The following PARP8 variants were observed in gnomAD, a reference collection of about 807,000 sequenced individuals.
The protein encoded by PARP8 is protein mono-ADP-ribosyltransferase PARP8.
Under a neutral mutation model 124.1 loss-of-function variants are expected in PARP8, and 51 were observed. The ratio of observed to expected loss-of-function variants is 0.41; its 90% CI spans 0.33 to 0.52. PARP8 has a LOEUF of 0.52. Ranked by LOEUF, PARP8 falls within the 20% of genes least tolerant of loss-of-function variation. The pLI, the probability that PARP8 is intolerant of heterozygous loss-of-function variation, is 0.21. For missense variants in PARP8, 860 were observed against 1,018.9 expected, an observed-to-expected ratio of 0.84 and a Z score of 2.12; for synonymous variants, 391 against 361.5, an observed-to-expected ratio of 1.08 and a Z score of -0.93.
At position 50,760,359 on chromosome 5, in the gene PARP8, G is replaced by A. The variant is rs1295976925; in HGVS notation, c.342G>A (p.Gly114=). The A allele has an allele frequency of 4.0e-6, 6 of 1,517,654 alleles. No individual in the cohort carries two copies. Among genetic ancestry groups the A allele is most frequent in the South Asian group, 1.2e-5 (1 of 83,236 alleles). The allele number at this position is 1,517,654 out of a possible 1,614,324, so 94.0% of individuals were successfully genotyped here. A position where few individuals can be genotyped will look rare whatever the true frequency, so the allele number is the denominator to read the frequency against. ...AATCCAAATTACAAAAGGAAAATGG[G>A]GAGGTATGTAAATTATATTTTTTAT... is the stretch of plus-strand genomic sequence containing the variant. ...SIKSKLQKEN[G]EESRQNSTVE... The change falls in exon 5 of 26, where the codon GGG becomes GGA. Residue 114 remains glycine (G), a synonymous_variant. Coordinates refer to ENST00000281631, the MANE Select transcript of PARP8 (RefSeq NM_024615.4).
intron 2 of PARP8, among the ~76,000 whole-genome samples, chr5:50,732,341 G>A (rs1757052067): frequency 6.6e-6 from 1 of 152,168 alleles, no homozygotes; most frequent in Non-Finnish European, 1.5e-5. Context: ...ATTATCTGTA[G>A]AAATTACTGT....
At chr5:50,778,292 G>A (rs762813123) in intron 8 of PARP8, among the ~76,000 whole-genome samples, 163 bp downstream of exon 8, 5 of 152,226 alleles carry the variant, frequency 3.3e-5, no homozygotes, top group South Asian at 2.1e-4. Context: ...AAGAAGCAGC[G>A]ATTTTGTAAA....
chr5:50,715,797 C>T (rs2149494578), intron 2 of PARP8, among the ~76,000 whole-genome samples: 1 of 152,100 alleles, frequency 6.6e-6, no homozygotes, highest in Non-Finnish European at 1.5e-5. Context: ...AGATTTTTTA[C>T]AAACAGTTAT....
At chr5:50,719,149 TA>T (rs776244779) in intron 2 of PARP8, among the ~76,000 whole-genome samples, 10 of 152,102 alleles carry the variant, frequency 6.6e-5, no homozygotes, top group Non-Finnish European at 1.3e-4. Flanking sequence ...TACCCATTTT[TA>T]AATTGGATTA....
chr5:50,767,551 T>G (rs1761177173), intron 7 of PARP8, among the ~76,000 whole-genome samples: 1 of 152,218 alleles, frequency 6.6e-6, no homozygotes, highest in Admixed American at 6.5e-5. Flanking sequence ...AAACTGAAGA[T>G]TTTTAAGCTG....
At chr5:50,839,932 A>C (rs1747995237) in intron 25 of PARP8, among the ~76,000 whole-genome samples, 1 of 151,850 alleles carries the variant, frequency 6.6e-6, no homozygotes, top group South Asian at 2.1e-4. Context: ...TCTGTATTTG[A>C]ATGATGAAGG....
At chr5:50,777,260 C>T (rs945563082) in intron 7 of PARP8, among the ~76,000 whole-genome samples, 8 of 152,114 alleles carry the variant, frequency 5.3e-5, no homozygotes, top group Non-Finnish European at 8.8e-5. Context: ...TATGTAAGAT[C>T]TTTAGAACAA....
At chr5:50,808,255 A>G (rs1445489935) in intron 14 of PARP8, among the ~76,000 whole-genome samples, 2 of 151,740 alleles carry the variant, frequency 1.3e-5, no homozygotes, top group Non-Finnish European at 2.9e-5. Flanking sequence ...TAAAGGGGAA[A>G]GAGCAAGCAG....
chr5:50,667,498 G>A (rs1404836368), intron 1 of PARP8: 1 of 700,112 alleles, frequency 1.4e-6, no homozygotes, highest in Non-Finnish European at 2.6e-6. Context: ...AAGCCTCCAA[G>A]CACGCTTCCT....
At position 50,747,710 on chromosome 5, in the gene PARP8, A is replaced by G. The variant is rs562907387; in HGVS notation, c.147-2441A>G. Among the ~76,000 whole-genome samples the G allele has an allele frequency of 3.7e-5, 5 of 135,650 alleles. No individual in the cohort carries two copies. The South Asian group carries it at 7.0e-4, about 19-fold the overall frequency. 89.0% of individuals were successfully genotyped at this position (135,650 alleles called of 152,430 possible). On this transcript the variant is annotated intron_variant, in intron 2 of 25. Transcript: ENST00000281631. ...TCTTTTCCATTCTTTACTTAAATCT[A>G]TATGTGTCTCTATATTTAATATGGA...
chr5:50,795,319 C>G lies in PARP8; in HGVS notation c.1330C>G (p.Leu444Val). Reference sequence around the variant, plus strand: ...TGCCCCCAAGTCATCCAAAACTGAGCTTTTCAAGGAACCTAACGCAGAGGG... The same window carrying G: ...TGCCCCCAAGTCATCCAAAACTGAGGTTTTCAAGGAACCTAACGCAGAGGG... Reference protein sequence around the residue: ...SSAPKSSKTELFKEPNAEGRR... With the variant: ...SSAPKSSKTEVFKEPNAEGRR... Residue 444 changes from leucine to valine, a missense_variant, in exon 12 of 26, where the codon CTT becomes GTT. Leu to Val is a conservative substitution (Grantham distance 32). Coordinates refer to ENST00000281631, the MANE Select transcript of PARP8 (RefSeq NM_024615.4). The G allele has an allele frequency of 6.2e-7, 1 of 1,614,124 alleles. No homozygotes were observed. Among genetic ancestry groups the G allele is most frequent in the Non-Finnish European group, 8.5e-7 (1 of 1,180,028 alleles).
intron 7 of PARP8, among the ~76,000 whole-genome samples, chr5:50,764,434 C>G (rs1161703467): frequency 6.6e-6 from 1 of 152,164 alleles, no homozygotes; most frequent in Non-Finnish European, 1.5e-5. Flanking sequence ...AGAGGGCAAA[C>G]AAGTAATTTC....
intron 14 of PARP8, among the ~76,000 whole-genome samples, chr5:50,813,966 A>G (rs1744792544): frequency 6.6e-6 from 1 of 152,162 alleles, no homozygotes; most frequent in Non-Finnish European, 1.5e-5. Flanking sequence ...TTAATCATAT[A>G]AAAGTGATGG....
At chr5:50,709,922 GTATATATATA>G (rs200521595) in intron 2 of PARP8, among the ~76,000 whole-genome samples, 1,130 of 93,918 alleles carry the variant, frequency 0.012, 20 homozygotes, top group African/African-American at 0.035. Flanking sequence ...TAGAAAGAGT[GTATATATATA>G]TATATATATA....
chr5:50,773,849 T>TTG (rs1561359810), intron 7 of PARP8, among the ~76,000 whole-genome samples: 1 of 151,512 alleles, frequency 6.6e-6, no homozygotes, highest in African/African-American at 2.4e-5. Flanking sequence ...TTTTTTTTTT[T>TTG]TAGTATTTAT....
At position 50,668,165 on chromosome 5, in the gene PARP8, C is replaced by G. The variant is rs571659444; in HGVS notation, c.146+40C>G. On this transcript the variant is annotated intron_variant, in intron 2 of 25. Coordinates refer to ENST00000281631, the MANE Select transcript of PARP8 (RefSeq NM_024615.4). ...AGAGTTGCTTCATTTCCTGTTCACA[C>G]TCTTGTGTTTCCTTTGTTCTTAGCG... 5 of 1,502,882 alleles carry G rather than the reference C, an allele frequency of 3.3e-6. No individual in the cohort carries two copies. The East Asian group carries it at 1.1e-4, about 34-fold the overall frequency. 93.1% of individuals were successfully genotyped at this position (1,502,882 alleles called of 1,614,324 possible).
At chr5:50,728,530 C>T (rs1756659614) in intron 2 of PARP8, among the ~76,000 whole-genome samples, 1 of 151,914 alleles carries the variant, frequency 6.6e-6, no homozygotes, top group African/African-American at 2.4e-5. Flanking sequence ...ATAGGAATCA[C>T]ACGTTTAAAT....
At chr5:50,818,554 GT>G (rs1244618499) in intron 15 of PARP8, among the ~76,000 whole-genome samples, 1 of 151,446 alleles carries the variant, frequency 6.6e-6, no homozygotes, top group Admixed American at 6.6e-5. Context: ...ATTTTTATTT[GT>G]TTTTTTGGAG....
chr5:50,692,369 A>T (rs1387997474), intron 2 of PARP8, among the ~76,000 whole-genome samples: 2 of 152,112 alleles, frequency 1.3e-5, no homozygotes, highest in African/African-American at 4.8e-5. Flanking sequence ...AGACTCTCAA[A>T]ATTAAACATC....
Sources: allele counts gnomAD v4.1 joint callset (sites outside exome capture counted in the v4.1 genomes callset), GRCh38; gene constraint gnomAD v4.1.1; transcripts MANE v1.5; gene names NCBI Gene and HGNC (gene_info 2026-07-23, HGNC 2026-07-21).